Variants in ITPK1 observed in about 807,000 individuals in gnomAD.
ITPK1 encodes the protein inositol-tetrakisphosphate 1-kinase.
In ITPK1, 21 loss-of-function variants were observed where a neutral mutation model predicts 45.3. The observed-to-expected ratio is 0.46, with a 90% confidence interval of 0.33 to 0.67. The LOEUF is 0.67. ITPK1 is among the 30% of genes least tolerant of loss of function. The pLI, the probability that ITPK1 is intolerant of heterozygous loss-of-function variation, is 0.02. For missense variants in ITPK1, 474 were observed against 573.5 expected, an observed-to-expected ratio of 0.83 and a Z score of 1.77; for synonymous variants, 258 against 253.6, an observed-to-expected ratio of 1.02 and a Z score of -0.16.
chr14:93,033,240 C>T (rs1889153219), intron 3 of ITPK1, among the ~76,000 whole-genome samples: 1 of 152,200 alleles, frequency 6.6e-6, no homozygotes, highest in African/African-American at 2.4e-5. Context: ...AGGGAGGTTT[C>T]CTGGGGTGGG....
At chr14:93,075,854 A>G (rs1019656935) in intron 3 of ITPK1, among the ~76,000 whole-genome samples, 2 of 140,440 alleles carry the variant, frequency 1.4e-5, no homozygotes, top group Non-Finnish European at 3.0e-5. Flanking sequence ...GCCCAGCTGC[A>G]CAGACCACAG....
rs766340814 is a variant in ITPK1 at position 92,951,982 on chromosome 14, G to A, written c.702C>T (p.Asn234=). The change falls in exon 9 of 11, where the codon AAC becomes AAT. Residue 234 remains asparagine (N), a synonymous_variant. Coordinates refer to ENST00000267615, the MANE Select transcript of ITPK1 (RefSeq NM_014216.6). Reference sequence around the variant, plus strand: ...CCGATGACGACTCCGGCTTTGACACGTTGTGGCTGTTGAAGAAGATGGACT... The same window carrying A: ...CCGATGACGACTCCGGCTTTGACACATTGTGGCTGTTGAAGAAGATGGACT... ...DRESIFFNSH[N]VSKPESSSVL... The A allele has an allele frequency of 2.5e-5, 40 of 1,577,276 alleles. No individual in the cohort carries two copies. Among genetic ancestry groups the A allele is most frequent in the Admixed American group, 1.9e-4 (10 of 53,998 alleles).
chr14:93,103,282 G>T (rs1217463261), intron 2 of ITPK1, among the ~76,000 whole-genome samples: 1 of 151,960 alleles, frequency 6.6e-6, no homozygotes, highest in Non-Finnish European at 1.5e-5. Flanking sequence ...AGCCGGGCGT[G>T]GTGGCGCGTG....
At chr14:93,090,079 A>G (rs1018625101) in intron 2 of ITPK1, among the ~76,000 whole-genome samples, 1 of 151,934 alleles carries the variant, frequency 6.6e-6, no homozygotes, top group African/African-American at 2.4e-5. Flanking sequence ...CATCTGAAAC[A>G]TGGCTCATCA....
intron 3 of ITPK1, among the ~76,000 whole-genome samples, chr14:93,044,661 T>C (rs1158890242): frequency 6.6e-6 from 1 of 152,152 alleles, no homozygotes; most frequent in Non-Finnish European, 1.5e-5. Flanking sequence ...CACCCAACCC[T>C]GTGGGGCTGT....
At chr14:93,085,935 G>A (rs1056202857) in intron 2 of ITPK1, among the ~76,000 whole-genome samples, 2 of 152,092 alleles carry the variant, frequency 1.3e-5, no homozygotes, top group Non-Finnish European at 2.9e-5. Context: ...GAGGTAGTGG[G>A]GGGTGCTGGC....
intron 4 of ITPK1, among the ~76,000 whole-genome samples, chr14:93,002,498 C>A (rs373966717): frequency 7.9e-5 from 12 of 152,172 alleles, no homozygotes; most frequent in African/African-American, 2.6e-4. Flanking sequence ...GAAGGCCTGG[C>A]GAAATGAAAA....
chr14:92,961,420 G>C (rs1885064391), intron 7 of ITPK1, among the ~76,000 whole-genome samples: 1 of 152,238 alleles, frequency 6.6e-6, no homozygotes, highest in Non-Finnish European at 1.5e-5. Flanking sequence ...TCCTCAAGGT[G>C]GCCGGGAACA....
intron 3 of ITPK1, among the ~76,000 whole-genome samples, chr14:93,019,505 C>T (rs1888360090): frequency 6.6e-6 from 1 of 152,246 alleles, no homozygotes; most frequent in Admixed American, 6.5e-5. Context: ...TAAAACCCTT[C>T]TGTGAGAACA....
At chr14:93,024,281 C>A (rs1566741550) in intron 3 of ITPK1, among the ~76,000 whole-genome samples, 1 of 152,196 alleles carries the variant, frequency 6.6e-6, no homozygotes, top group Admixed American at 6.5e-5. Context: ...ACCTCAAGCA[C>A]AGAGGTGCTC....
intron 8 of ITPK1, among the ~76,000 whole-genome samples, chr14:92,955,525 G>A (rs1273752881): frequency 1.3e-5 from 2 of 152,180 alleles, no homozygotes; most frequent in Non-Finnish European, 2.9e-5. Context: ...GAGGGAAACA[G>A]TCTCTCTGTG....
intron 4 of ITPK1, chr14:92,998,909 C>T (rs757085603): frequency 6.6e-6 from 1 of 152,222 alleles, no homozygotes; most frequent in East Asian, 1.9e-4. Context: ...TTACCTGGGA[C>T]TTGCTATATG....
intron 3 of ITPK1, among the ~76,000 whole-genome samples, chr14:93,027,955 GA>G (rs536913286): frequency 6.6e-6 from 1 of 152,200 alleles, no homozygotes; most frequent in South Asian, 2.1e-4. Context: ...AGAGCAGTGG[GA>G]AAAAAAGGGG....
At chr14:92,946,265 C>G in intron 10 of ITPK1, 66 bp downstream of exon 10, 1 of 1,577,846 alleles carries the variant, frequency 6.3e-7, no homozygotes, top group Non-Finnish European at 8.7e-7. Context: ...CCCCGCCTCA[C>G]CTGCCTGGTC....
intron 5 of ITPK1, among the ~76,000 whole-genome samples, chr14:92,970,438 C>G (rs3825685): frequency 0.072 from 10,990 of 152,218 alleles, 460 homozygotes; most frequent in East Asian, 0.2. Context: ...CAGGGCGCCC[C>G]TGCACGTGGG....
At chr14:93,043,113 G>A (rs1290967130) in intron 3 of ITPK1, among the ~76,000 whole-genome samples, 3 of 152,140 alleles carry the variant, frequency 2.0e-5, no homozygotes, top group African/African-American at 7.2e-5. Flanking sequence ...CCACACTTTG[G>A]GGAAAACCCT....
chr14:92,982,868 T>C (rs1169885058), intron 5 of ITPK1, among the ~76,000 whole-genome samples: 4 of 152,232 alleles, frequency 2.6e-5, no homozygotes, highest in African/African-American at 4.8e-5. Flanking sequence ...AGAGACCCTA[T>C]GGCCTTACCA....
intron 2 of ITPK1, among the ~76,000 whole-genome samples, chr14:93,113,721 C>T (rs1317848249): frequency 6.6e-6 from 1 of 152,160 alleles, no homozygotes; most frequent in African/African-American, 2.4e-5. Context: ...TCATGAATTG[C>T]TGGGGCCACT....
chr14:92,953,276 G>A (rs1358603514), intron 8 of ITPK1, among the ~76,000 whole-genome samples: 6 of 152,274 alleles, frequency 3.9e-5, no homozygotes, highest in African/African-American at 1.2e-4. Flanking sequence ...GGGCACAGAG[G>A]CCCCTGGCTG....
Sources: allele counts gnomAD v4.1 joint callset (sites outside exome capture counted in the v4.1 genomes callset), GRCh38; gene constraint gnomAD v4.1.1; transcripts MANE v1.5; gene names NCBI Gene and HGNC (gene_info 2026-07-23, HGNC 2026-07-21).